Variants in C3orf49 observed in about 807,000 individuals in gnomAD.
The protein encoded by C3orf49 is chromosome 3 open reading frame 49.
C3orf49 carries 27 observed loss-of-function variants against 13.3 expected under a neutral mutation model. The ratio of observed to expected loss-of-function variants is 2.02; its 90% CI spans 1.49 to 2.79. The LOEUF (loss-of-function observed/expected upper bound fraction) is 2.79. C3orf49 is among the 30% of genes most tolerant of loss of function. The pLI, the probability that C3orf49 is intolerant of heterozygous loss-of-function variation, is 0.00. For synonymous variants in C3orf49, 87 were observed against 47.6 expected, an observed-to-expected ratio of 1.83 and a Z score of -3.40; for missense variants, 242 against 134.2, an observed-to-expected ratio of 1.80 and a Z score of -3.97.
At chr3:63,831,356 A>AG (rs1028187157) in intron 4 of C3orf49, 133 bp downstream of exon 4, 21 of 613,986 alleles carry the variant, frequency 3.4e-5, no homozygotes, top group East Asian at 5.5e-5. Flanking sequence ...TAATGTTAGC[A>AG]GGGGGGCATT....
At chr3:63,843,261 G>T (rs891202234) in intron 5 of C3orf49, among the ~76,000 whole-genome samples, 3 of 152,004 alleles carry the variant, frequency 2.0e-5, no homozygotes, top group African/African-American at 7.2e-5. Context: ...TGGGATTACA[G>T]GCATGTGCCA....
chr3:63,788,528 A>C, the C3orf49 span, among the ~76,000 whole-genome samples: 1 of 152,156 alleles, frequency 6.6e-6, no homozygotes, highest in African/African-American at 2.4e-5. Flanking sequence ...AAGAAAGGAC[A>C]GGAAGGGGAC....
At chr3:63,811,991 C>T in the C3orf49 span, among the ~76,000 whole-genome samples, 4 of 152,000 alleles carry the variant, frequency 2.6e-5, no homozygotes, top group African/African-American at 7.2e-5. Context: ...TGCCTGACAG[C>T]TGGTGTAGAG....
the C3orf49 span, among the ~76,000 whole-genome samples, chr3:63,789,814 A>T: frequency 6.7e-6 from 1 of 148,748 alleles, no homozygotes; most frequent in Non-Finnish European, 1.5e-5. Flanking sequence ...CTGTCTCAAA[A>T]AAAAAAAAAA....
chr3:63,846,232 T>C (rs1245812287), intron 6 of C3orf49: 1 of 451,090 alleles, frequency 2.2e-6, no homozygotes, highest in East Asian at 7.2e-5. Flanking sequence ...AAAAAGCAGT[T>C]AAACAGTTTC....
chr3:63,796,466 T>G, the C3orf49 span, among the ~76,000 whole-genome samples: 1 of 152,194 alleles, frequency 6.6e-6, no homozygotes, highest in African/African-American at 2.4e-5. Context: ...TTCTTTCTAA[T>G]TCTCCCACTC....
the C3orf49 span, among the ~76,000 whole-genome samples, chr3:63,787,542 TA>T: frequency 2.2e-4 from 33 of 151,886 alleles, no homozygotes; most frequent in African/African-American, 6.5e-4. Flanking sequence ...TACCCTTTTT[TA>T]AAAAAAAATT....
chr3:63,822,210 C>G (rs934136726), intron 1 of C3orf49, among the ~76,000 whole-genome samples: 3 of 152,150 alleles, frequency 2.0e-5, no homozygotes, highest in Non-Finnish European at 2.9e-5. Context: ...CTCCTGACCT[C>G]GTGATCCGCC....
chr3:63,790,249 T>A, the C3orf49 span, among the ~76,000 whole-genome samples: 1 of 152,186 alleles, frequency 6.6e-6, no homozygotes, highest in Non-Finnish European at 1.5e-5. Flanking sequence ...TACCCAGGTG[T>A]TTACTGTTTC....
chr3:63,803,495 C>T, the C3orf49 span, among the ~76,000 whole-genome samples: 1 of 152,220 alleles, frequency 6.6e-6, no homozygotes, highest in Admixed American at 6.5e-5. Context: ...AACCTGCAGA[C>T]TGAAGCCAAA....
At chr3:63,792,809 T>C in the C3orf49 span, among the ~76,000 whole-genome samples, 1 of 152,214 alleles carries the variant, frequency 6.6e-6, no homozygotes, top group Non-Finnish European at 1.5e-5. Flanking sequence ...GTTTTTCTAC[T>C]AGGTGCAAAA....
the C3orf49 span, chr3:63,782,648 C>T: frequency 7.2e-5 from 11 of 152,160 alleles, no homozygotes; most frequent in African/African-American, 2.4e-4. Flanking sequence ...ATCGATTCAT[C>T]TAGTTAAAAT....
At chr3:63,844,842 A>G (rs963137712) in intron 5 of C3orf49, among the ~76,000 whole-genome samples, 181 bp from the exon 6 acceptor site, 3 of 152,156 alleles carry the variant, frequency 2.0e-5, no homozygotes, top group Admixed American at 1.3e-4. Context: ...CTTATAAATT[A>G]CCCATTCTCT....
chr3:63,806,591 C>T, the C3orf49 span, among the ~76,000 whole-genome samples: 2 of 152,192 alleles, frequency 1.3e-5, no homozygotes, highest in Non-Finnish European at 2.9e-5. Context: ...GATCCCTGCT[C>T]GTGTCTCTGG....
At chr3:63,833,568 G>GT (rs1360940992) in intron 5 of C3orf49, 1 of 152,234 alleles carries the variant, frequency 6.6e-6, no homozygotes, top group Non-Finnish European at 1.5e-5. Context: ...ATAAAGTAAT[G>GT]TGCACTATTT....
At chr3:63,837,426 C>G (rs1165185362) in intron 5 of C3orf49, among the ~76,000 whole-genome samples, 1 of 151,906 alleles carries the variant, frequency 6.6e-6, no homozygotes. Flanking sequence ...TATTTAGGAA[C>G]TACATAAGGG....
the C3orf49 span, among the ~76,000 whole-genome samples, chr3:63,797,169 C>T: frequency 6.6e-6 from 1 of 151,978 alleles, no homozygotes; most frequent in African/African-American, 2.4e-5. Context: ...TAATTCTTAT[C>T]CTGTTCCTCT....
chr3:63,845,904 A>G (rs1398452019), intron 6 of C3orf49, among the ~76,000 whole-genome samples: 1 of 152,248 alleles, frequency 6.6e-6, no homozygotes, highest in African/African-American at 2.4e-5. Flanking sequence ...TTATGATGCC[A>G]TTACATGGAA....
upstream of C3orf49, among the ~76,000 whole-genome samples, chr3:63,816,312 C>T (rs1294246200): frequency 6.6e-6 from 1 of 151,928 alleles, no homozygotes; most frequent in Admixed American, 6.6e-5. Context: ...AACAAGTTCC[C>T]TAAAAACCCT....
Sources: allele counts gnomAD v4.1 joint callset (sites outside exome capture counted in the v4.1 genomes callset), GRCh38; gene constraint gnomAD v4.1.1; transcripts MANE v1.5; gene names NCBI Gene and HGNC (gene_info 2026-07-23, HGNC 2026-07-21).